Variants in EIF2B2 observed in about 807,000 individuals in gnomAD.
The protein encoded by EIF2B2 is eukaryotic translation initiation factor 2B subunit beta.
In EIF2B2, 34 loss-of-function variants were observed where a neutral mutation model predicts 34.7. The observed-to-expected ratio is 0.98, with a 90% CI of 0.75 to 1.31. The LOEUF is 1.31. Ranked by LOEUF, EIF2B2 falls within the 50% of genes most tolerant of loss-of-function variation. EIF2B2 has a pLI of 0.00. For synonymous variants in EIF2B2, 155 were observed against 171.6 expected, an observed-to-expected ratio of 0.90 and a Z score of 0.76; for missense variants, 361 against 447.7, an observed-to-expected ratio of 0.81 and a Z score of 1.75.
intron 3 of EIF2B2, among the ~76,000 whole-genome samples, chr14:75,004,381 G>T (rs541076955): frequency 1.5e-4 from 23 of 152,232 alleles, no homozygotes; most frequent in African/African-American, 5.3e-4. Flanking sequence ...AATCCCAGAG[G>T]AGTGGGGCTT....
chr14:75,006,766 G>A lies in EIF2B2; in HGVS notation c.831+52G>A, dbSNP rs1275730307. The A allele has an allele frequency of 1.9e-6, 3 of 1,611,780 alleles. No individual in the cohort carries two copies. Reference sequence around the variant, plus strand: ...GCCAGCAGAAAAGAAGGAAGCCAAAGGGTAGGCTTGAACTCTGGGACTTCA... The same window carrying A: ...GCCAGCAGAAAAGAAGGAAGCCAAAAGGTAGGCTTGAACTCTGGGACTTCA... On this transcript the variant is annotated intron_variant, in intron 6 of 7. Transcript: ENST00000266126. The surrounding 1 kb of genome is among the most constrained non-coding windows in gnomAD (Gnocchi z 4.1).
chr14:75,008,973 CTTAA>C, intron 7 of EIF2B2, 54 bp from the exon 8 acceptor site: 1 of 1,611,096 alleles, frequency 6.2e-7, no homozygotes, highest in South Asian at 1.1e-5. Context: ...CTATATGCTA[CTTAA>C]TTATGAGAGA....
intron 4 of EIF2B2, 120 bp downstream of exon 4, chr14:75,005,020 A>G: frequency 9.8e-7 from 1 of 1,022,146 alleles, no homozygotes; most frequent in South Asian, 1.3e-5. Context: ...CACTGAGAAG[A>G]TCAAGTAAAA....
chr14:75,007,209 C>A, intron 6 of EIF2B2: 1 of 402,318 alleles, frequency 2.5e-6, no homozygotes, highest in South Asian at 1.8e-5. Flanking sequence ...TACAATTAAC[C>A]ATTTTAAAGT....
At position 75,011,805 on chromosome 14, in the gene EIF2B2, G is replaced by A. The variant is rs1411140037; in HGVS notation, c.*2617G>A. The A allele has an allele frequency of 6.6e-6, 1 of 152,200 alleles. No individual in the cohort carries two copies. The highest frequency in any genetic ancestry group is 1.9e-4 in the East Asian group (1 of 5,196). The allele number at this position is 152,200 out of a possible 1,614,324, so 9.4% of individuals were successfully genotyped here. Reference sequence around the variant, plus strand: ...AACAGCAATTCACTTGGGTACAATTGTGTGGTTTGGAGTAAGAGCAGCAGT... The same window carrying A: ...AACAGCAATTCACTTGGGTACAATTATGTGGTTTGGAGTAAGAGCAGCAGT... On this transcript the variant is annotated 3_prime_UTR_variant, in exon 8 of 8. Coordinates refer to ENST00000266126, the MANE Select transcript of EIF2B2 (RefSeq NM_014239.4).
rs769747721 is a variant in EIF2B2 at position 75,006,616 on chromosome 14, C to T, written c.733C>T (p.Leu245=). The part of the protein sequence containing the change: ...GTKTILANGA[L]RAVTGTHTLA... Reference sequence around the variant, plus strand: ...GAAGACCATCCTGGCCAATGGGGCCCTGAGAGCTGTGACAGGAACTCACAC... The same window carrying T: ...GAAGACCATCCTGGCCAATGGGGCCTTGAGAGCTGTGACAGGAACTCACAC... Residue 245 remains leucine, a synonymous_variant, in exon 6 of 8, where the codon CTG becomes TTG. Transcript: ENST00000266126. This position sits in a 1 kb window ranked among gnomAD's most constrained non-coding sequence, Gnocchi z 4.1. The T allele has an allele frequency of 1.2e-6, 2 of 1,614,096 alleles. No individual in the cohort carries two copies. Among genetic ancestry groups the T allele is most frequent in the African/African-American group, 1.3e-5 (1 of 74,938 alleles).
rs193093590 is a variant in EIF2B2, at chr14:75,011,958, G to A, written c.*2770G>A. ...CCCAGGCATGACTGAGTTGGATGAA[G>A]GTTATAAGGGTAGAAGCTCTCTTTC... On this transcript the variant is annotated 3_prime_UTR_variant, in exon 8 of 8. Transcript: ENST00000266126. The A allele has an allele frequency of 4.6e-5, 7 of 152,322 alleles. No individual in the cohort carries two copies. The East Asian group carries it at 1.3e-3, about 29-fold the overall frequency. The allele number at this position is 152,322 out of a possible 1,614,324, so 9.4% of individuals were successfully genotyped here.
At chr14:75,003,780 C>T (rs1230313592) in intron 3 of EIF2B2, 81 bp downstream of exon 3, 1 of 1,577,224 alleles carries the variant, frequency 6.3e-7, no homozygotes, top group East Asian at 2.3e-5. Context: ...TGTTCATTAG[C>T]AGAGATGGGA....
Position 75,003,255 on chromosome 14 carries a change from C to T in EIF2B2, c.164-20C>T, listed in dbSNP as rs766278140. On this transcript the variant is annotated intron_variant, in intron 1 of 7. Coordinates refer to ENST00000266126, the MANE Select transcript of EIF2B2 (RefSeq NM_014239.4). ...TCACTTCGCGTTGGCTCCTCTTATC[C>T]TCTCTCTTTTGGACTGTAGGGGAGC... is the stretch of plus-strand genomic sequence containing the variant. 6.2e-7 allele frequency: 1 copy of T among 1,613,600 alleles called. No individual in the cohort carries two copies. Among genetic ancestry groups the T allele is most frequent in the Admixed American group, 1.7e-5 (1 of 60,010 alleles).
intron 6 of EIF2B2, chr14:75,007,155 TTATA>T (rs1362972619): frequency 4.5e-6 from 2 of 445,828 alleles, no homozygotes; most frequent in African/African-American, 4.0e-5. Context: ...ATCAACCTAT[TTATA>T]GGTCTCTATT....
rs757245015 is a variant in EIF2B2 at position 75,003,022 on chromosome 14, T to C, written c.32T>C (p.Leu11Ser). MPGSAAKGSE[L>S]SERIESFVET... ...GGATCCGCAGCGAAGGGCTCGGAGT[T>C]GTCAGAGAGGATCGAGAGCTTCGTG... Residue 11 changes from leucine to serine, a missense_variant, in exon 1 of 8, where the codon TTG becomes TCG. Leu to Ser is a moderately radical substitution (Grantham distance 145). Coordinates refer to ENST00000266126, the MANE Select transcript of EIF2B2 (RefSeq NM_014239.4). 7 of 1,613,974 alleles carry C rather than the reference T, an allele frequency of 4.3e-6. No individual in the cohort carries two copies. Among genetic ancestry groups the C allele is most frequent in the Non-Finnish European group, 5.1e-6 (6 of 1,180,012 alleles).
In EIF2B2 at chr14:75,009,266, C is replaced by T. The variant is rs1889671152; in HGVS notation, c.*78C>T. The T allele has an allele frequency of 1.3e-6, 2 of 1,566,758 alleles. No homozygotes were observed. The highest frequency in any genetic ancestry group is 1.7e-5 in the Admixed American group (1 of 59,930). ...AGACTTGAGTGTTGCTGCTGAAGCA[C>T]ATCCTTGCAATGTGGGAGTGCACAG... On this transcript the variant is annotated 3_prime_UTR_variant, in exon 8 of 8. Coordinates refer to ENST00000266126, the MANE Select transcript of EIF2B2 (RefSeq NM_014239.4).
At position 75,004,677 on chromosome 14, in the gene EIF2B2, A is replaced by ATG. The variant is rs1396717881; in HGVS notation, c.434-59_434-58insGT. 5 of 157,226 alleles carry ATG rather than the reference A, an allele frequency of 3.2e-5. 1 individual carries two copies. The East Asian group carries it at 6.3e-4, about 20-fold the overall frequency. 9.7% of individuals were successfully genotyped at this position (157,226 alleles called of 1,614,324 possible). On this transcript the variant is annotated intron_variant, in intron 3 of 7. Coordinates refer to ENST00000266126, the MANE Select transcript of EIF2B2 (RefSeq NM_014239.4). ...TGATATAGCAATTTCATATATATAT[A>ATG]TATATATATATATTTTTTTTTTTTT... is the stretch of plus-strand genomic sequence containing the variant.
rs780391000 is a variant in EIF2B2 at position 75,003,434 on chromosome 14, A to T, written c.284+39A>T. 3.1e-6 allele frequency: 5 copies of T among 1,613,742 alleles called. No individual in the cohort carries two copies. The East Asian group carries it at 8.9e-5, about 29-fold the overall frequency. ...CCTGGGCTCCTGGTTGGATCCAGTG[A>T]CACTTTTTGCACGGGCCCCTCTACC... On this transcript the variant is annotated intron_variant, in intron 2 of 7. Transcript: ENST00000266126.
intron 7 of EIF2B2, among the ~76,000 whole-genome samples, chr14:75,008,025 A>G (rs539312754): frequency 6.6e-6 from 1 of 152,242 alleles, no homozygotes; most frequent in Non-Finnish European, 1.5e-5. Flanking sequence ...TGTTGGGGCT[A>G]TTGTGGGTTG....
intron 3 of EIF2B2, 71 bp from the exon 4 acceptor site, chr14:75,004,666 C>CATAT (rs1230382829): frequency 0.026 from 4,687 of 183,130 alleles, 118 homozygotes; most frequent in African/African-American, 0.031. Flanking sequence ...ATAGCAATTT[C>CATAT]ATATATATAT....
chr14:75,008,064 T>C (rs2139256558), intron 7 of EIF2B2: 1 of 391,440 alleles, frequency 2.6e-6, no homozygotes, highest in South Asian at 2.4e-5. Flanking sequence ...GGGTTTGGCT[T>C]TGCATGCTGT....
chr14:75,008,120 T>C, intron 7 of EIF2B2: 1 of 315,106 alleles, frequency 3.2e-6, no homozygotes, highest in East Asian at 8.3e-5. Flanking sequence ...CCTGTTTTCC[T>C]GCTATAAGGA....
At position 75,010,661 on chromosome 14, in the gene EIF2B2, A is replaced by T. The variant is rs1032876578; in HGVS notation, c.*1473A>T. On this transcript the variant is annotated 3_prime_UTR_variant, in exon 8 of 8. Coordinates refer to ENST00000266126, the MANE Select transcript of EIF2B2 (RefSeq NM_014239.4). ...AGTAGTTAGTTTGTGGTTGGGTAAC[A>T]TCTGATGCCATTGGATGGAACATCT... 3.9e-5 allele frequency: 6 copies of T among 152,254 alleles called. No individual in the cohort carries two copies. Among genetic ancestry groups the T allele is most frequent in the African/African-American group, 1.4e-4 (6 of 41,464 alleles). The allele number at this position is 152,254 out of a possible 1,614,324, so 9.4% of individuals were successfully genotyped here.
Sources: gnomAD v4.1 joint callset for allele counts (sites outside exome capture counted in the v4.1 genomes callset) on GRCh38, gnomAD v4.1.1 for gene constraint, Gnocchi (gnomAD v3.1) non-coding constraint, MANE v1.5 for transcripts, NCBI Gene and HGNC (gene_info 2026-07-23, HGNC 2026-07-21) for gene names.